Variants in EYS observed in about 807,000 individuals in gnomAD.
EYS encodes the protein EGF-like photoreceptor maintenance factor, also known as protein eyes shut homolog.
Under a neutral mutation model 282.1 loss-of-function variants are expected in EYS, and 250 were observed. That is an observed-to-expected ratio of 0.89 (90% CI 0.80 to 0.98). The LOEUF is 0.98. Among genes scored for constraint, EYS ranks in the 50% least tolerant of loss-of-function variants. The pLI is 0.00. For synonymous variants in EYS, 1,355 were observed against 1,282.9 expected, an observed-to-expected ratio of 1.06 and a Z score of -1.20; for missense variants, 4,016 against 3,709.0, an observed-to-expected ratio of 1.08 and a Z score of -2.15.
intron 19 of EYS, among the ~76,000 whole-genome samples, chr6:64,884,116 A>T (rs1767009003): frequency 6.6e-6 from 1 of 151,732 alleles, no homozygotes; most frequent in East Asian, 1.9e-4. Flanking sequence ...TCTGATTTAG[A>T]TAATTAAGAA....
intron 22 of EYS, among the ~76,000 whole-genome samples, chr6:64,734,148 A>G (rs1271140526): frequency 6.6e-6 from 1 of 151,914 alleles, no homozygotes; most frequent in Non-Finnish European, 1.5e-5. Flanking sequence ...AGTAGAAACA[A>G]ACAAAAAAAT....
intron 31 of EYS, among the ~76,000 whole-genome samples, chr6:64,189,412 A>G (rs1169811188): frequency 6.6e-6 from 1 of 152,186 alleles, no homozygotes; most frequent in Non-Finnish European, 1.5e-5. Flanking sequence ...AAGTATATGA[A>G]ATTCGAATTA....
At chr6:64,803,105 G>T (rs995410591) in intron 22 of EYS, among the ~76,000 whole-genome samples, 1 of 152,196 alleles carries the variant, frequency 6.6e-6, no homozygotes, top group African/African-American at 2.4e-5. Flanking sequence ...GTGGTCCTCA[G>T]AAGCTTGGAG....
chr6:64,189,194 T>C (rs915434601), intron 31 of EYS, among the ~76,000 whole-genome samples: 25 of 152,174 alleles, frequency 1.6e-4, no homozygotes, highest in African/African-American at 6.0e-4. Context: ...AAATTATATA[T>C]AAGTAAGCAT....
intron 5 of EYS, among the ~76,000 whole-genome samples, chr6:65,459,968 T>TATA (rs1764762067): frequency 3.7e-5 from 3 of 80,672 alleles, no homozygotes; most frequent in Non-Finnish European, 5.2e-5. Flanking sequence ...TTTGTGTATT[T>TATA]TATATATATA....
At chr6:64,562,710 CTGT>C (rs1337919359) in intron 26 of EYS, among the ~76,000 whole-genome samples, 1 of 151,812 alleles carries the variant, frequency 6.6e-6, no homozygotes, top group Non-Finnish European at 1.5e-5. Context: ...GAATTCTAAA[CTGT>C]TATCTTTAAT....
chr6:65,039,971 T>C (rs544879364), intron 13 of EYS, among the ~76,000 whole-genome samples: 91 of 151,826 alleles, frequency 6.0e-4, no homozygotes, highest in African/African-American at 2.0e-3. Flanking sequence ...CTTGCAGAAG[T>C]GTTACTTTGC....
chr6:64,685,866 A>G (rs960735328), intron 22 of EYS, among the ~76,000 whole-genome samples: 40 of 152,316 alleles, frequency 2.6e-4, no homozygotes, highest in Admixed American at 6.5e-4. Flanking sequence ...CTACATTTGA[A>G]TCATTAACCA....
intron 22 of EYS, among the ~76,000 whole-genome samples, chr6:64,636,083 A>G (rs1262697320): frequency 6.6e-6 from 1 of 152,184 alleles, no homozygotes; most frequent in African/African-American, 2.4e-5. Context: ...GAATTGGAAG[A>G]AATTACTTTA....
intron 19 of EYS, among the ~76,000 whole-genome samples, chr6:64,878,860 A>G (rs929566243): frequency 6.6e-6 from 1 of 151,946 alleles, no homozygotes; most frequent in East Asian, 1.9e-4. Flanking sequence ...AGCTAATGTC[A>G]TGCCAGCCTC....
intron 12 of EYS, among the ~76,000 whole-genome samples, chr6:65,234,499 T>C (rs1435346405): frequency 6.6e-6 from 1 of 152,182 alleles, no homozygotes; most frequent in Admixed American, 6.5e-5. Context: ...ATGTAGCCTT[T>C]GGAGCTCTAA....
chr6:64,913,874 A>G (rs1768080702), intron 15 of EYS, among the ~76,000 whole-genome samples: 2 of 152,254 alleles, frequency 1.3e-5, no homozygotes, highest in South Asian at 4.1e-4. Flanking sequence ...TTAATATTTG[A>G]ATAATGTGCG....
chr6:64,841,970 A>T (rs1765576644), intron 19 of EYS, among the ~76,000 whole-genome samples: 1 of 152,112 alleles, frequency 6.6e-6, no homozygotes, highest in Non-Finnish European at 1.5e-5. Flanking sequence ...CAATAAGCCC[A>T]ATTTCTTCAT....
chr6:64,854,148 G>T (rs1375700186), intron 19 of EYS, among the ~76,000 whole-genome samples: 1 of 152,072 alleles, frequency 6.6e-6, no homozygotes, highest in African/African-American at 2.4e-5. Context: ...TTACACTGTT[G>T]CTGGGACTGT....
chr6:63,946,063 G>A (rs975487613), intron 35 of EYS, among the ~76,000 whole-genome samples: 15 of 152,154 alleles, frequency 9.9e-5, no homozygotes, highest in African/African-American at 3.6e-4. Context: ...AGTTAGAAGG[G>A]ACTCTAAAAT....
chr6:65,349,053 T>A (rs1235274979), intron 9 of EYS, among the ~76,000 whole-genome samples: 1 of 151,632 alleles, frequency 6.6e-6, no homozygotes, highest in Non-Finnish European at 1.5e-5. Flanking sequence ...CAAGTCGAAT[T>A]TTTTTTCAGA....
intron 35 of EYS, among the ~76,000 whole-genome samples, chr6:63,922,562 CA>C (rs959858863): frequency 3.3e-5 from 5 of 149,934 alleles, no homozygotes; most frequent in African/African-American, 9.8e-5. Flanking sequence ...GACTCTGCCT[CA>C]AAAAAAAATT....
At chr6:64,428,474 T>C in intron 28 of EYS, among the ~76,000 whole-genome samples, 1 of 152,152 alleles carries the variant, frequency 6.6e-6, no homozygotes, top group East Asian at 1.9e-4. Flanking sequence ...AGGTCATTTA[T>C]ACTAGAACCT....
chr6:64,528,782 T>C (rs374085723), intron 26 of EYS, among the ~76,000 whole-genome samples: 17 of 152,104 alleles, frequency 1.1e-4, no homozygotes, highest in African/African-American at 3.8e-4. Flanking sequence ...CTTCAGTCCA[T>C]TTGTGTATTG....
Sources: allele counts gnomAD v4.1 joint callset (sites outside exome capture counted in the v4.1 genomes callset), GRCh38; gene constraint gnomAD v4.1.1; transcripts MANE v1.5; gene names NCBI Gene and HGNC (gene_info 2026-07-23, HGNC 2026-07-21).